The following ASTN2 variants were observed in gnomAD, a reference collection of about 807,000 sequenced individuals.
ASTN2 encodes astrotactin 2.
ASTN2 carries 54 observed loss-of-function variants against 139.8 expected under a neutral mutation model. The observed-to-expected ratio is 0.39, with a 90% CI of 0.31 to 0.48. The LOEUF is 0.48. Ranked by LOEUF, ASTN2 falls within the 20% of genes least tolerant of loss-of-function variation. ASTN2 has a pLI of 0.95. For missense variants in ASTN2, 1,565 were observed against 1,725.1 expected (o/e 0.91, Z 1.64); for synonymous variants, 756 against 719.5 (o/e 1.05, Z -0.81).
intron 19 of ASTN2, among the ~76,000 whole-genome samples, chr9:116,564,282 G>A (rs1426228207): frequency 6.6e-6 from 1 of 152,128 alleles, no homozygotes; most frequent in African/African-American, 2.4e-5. Flanking sequence ...GCTTTCTGAG[G>A]TGGCCCAAAG....
chr9:117,220,157 C>T (rs1832467084), intron 2 of ASTN2, among the ~76,000 whole-genome samples: 1 of 152,162 alleles, frequency 6.6e-6, no homozygotes, highest in Non-Finnish European at 1.5e-5. Flanking sequence ...CCCTATTTGT[C>T]TATCACAAAC....
At chr9:116,627,062 C>T (rs1198284849) in intron 17 of ASTN2, among the ~76,000 whole-genome samples, 1 of 152,166 alleles carries the variant, frequency 6.6e-6, no homozygotes, top group Admixed American at 6.5e-5. Flanking sequence ...TCTAACCTGA[C>T]AGTGAGAAGG....
At chr9:117,216,525 TTG>T (rs1032055888) in intron 2 of ASTN2, among the ~76,000 whole-genome samples, 4 of 152,086 alleles carry the variant, frequency 2.6e-5, no homozygotes, top group East Asian at 1.9e-4. Context: ...ATGTGTGTAT[TTG>T]TGTGTGTGTG....
At chr9:116,597,580 A>ATGCC (rs904879590) in intron 19 of ASTN2, among the ~76,000 whole-genome samples, 2 of 152,012 alleles carry the variant, frequency 1.3e-5, no homozygotes, top group African/African-American at 4.8e-5. Flanking sequence ...GTGAACCACC[A>ATGCC]TGCCTGGCCT....
intron 13 of ASTN2, among the ~76,000 whole-genome samples, chr9:116,746,840 C>A (rs141397985): frequency 0.022 from 3,411 of 152,230 alleles, 54 homozygotes; most frequent in Middle Eastern, 0.085. Context: ...CACTCGAGAG[C>A]AAGAACTACG....
At chr9:117,181,859 T>C (rs563052837) in intron 3 of ASTN2, among the ~76,000 whole-genome samples, 35 of 152,308 alleles carry the variant, frequency 2.3e-4, no homozygotes, top group Middle Eastern at 3.4e-3. Context: ...TTCCTCTCTC[T>C]TTCCTGCTCA....
At chr9:117,279,630 T>C (rs957074273) in intron 2 of ASTN2, among the ~76,000 whole-genome samples, 1 of 152,184 alleles carries the variant, frequency 6.6e-6, no homozygotes, top group Admixed American at 6.5e-5. Flanking sequence ...CCTTTTTATT[T>C]TGAAAGAATT....
intron 3 of ASTN2, among the ~76,000 whole-genome samples, chr9:117,144,365 G>C (rs2132864468): frequency 6.6e-6 from 1 of 152,326 alleles, no homozygotes; most frequent in East Asian, 1.9e-4. Flanking sequence ...AACATTTTGA[G>C]CATGGACATG....
rs1254569769 is a variant in ASTN2, at chr9:117,414,873, G to A, written c.66C>T (p.Leu22=). ...GTGGCGGCGGCCCCGGGTGGAAGCA[G>A]AGCCTCGGCCGCCCCCGGAGCCCCG... The part of the protein sequence containing the change: ...PGSGLRGRPR[L]CFHPGPPPLL... The change falls in exon 1 of 23, where the codon CTC becomes CTT. Residue 22 remains leucine, a synonymous_variant. Coordinates refer to ENST00000313400, the MANE Select transcript of ASTN2 (RefSeq NM_001365068.1). This position sits in a 1 kb window ranked among gnomAD's most constrained non-coding sequence, Gnocchi z 4.2. The A allele has an allele frequency of 2.4e-5, 24 of 987,200 alleles. No individual in the cohort carries two copies. Among genetic ancestry groups the A allele is most frequent in the Non-Finnish European group, 2.8e-5 (22 of 793,046 alleles). 61.2% of individuals were successfully genotyped at this position (987,200 alleles called of 1,614,324 possible).
chr9:117,221,149 G>A (rs987112707), intron 2 of ASTN2, among the ~76,000 whole-genome samples: 5 of 152,164 alleles, frequency 3.3e-5, no homozygotes, highest in South Asian at 2.1e-4. Flanking sequence ...GCATCAACAA[G>A]GCACCTGACC....
At chr9:117,101,085 A>G (rs1199475300) in intron 4 of ASTN2, among the ~76,000 whole-genome samples, 1 of 152,188 alleles carries the variant, frequency 6.6e-6, no homozygotes, top group African/African-American at 2.4e-5. Context: ...AAGAAGTGAG[A>G]GTCAGGGCAC....
intron 10 of ASTN2, among the ~76,000 whole-genome samples, chr9:116,867,571 A>AC (rs1260956572): frequency 1.3e-5 from 2 of 149,808 alleles, no homozygotes; most frequent in Non-Finnish European, 3.0e-5. Flanking sequence ...AAAAAAAAAA[A>AC]AGGAAAGAAA....
intron 20 of ASTN2, among the ~76,000 whole-genome samples, chr9:116,446,161 A>G (rs899385195): frequency 1.3e-5 from 2 of 151,910 alleles, no homozygotes; most frequent in Admixed American, 1.3e-4. Context: ...AGAAACAGAT[A>G]CAAATATATA....
At chr9:116,573,143 A>T (rs185342434) in intron 19 of ASTN2, among the ~76,000 whole-genome samples, 246 of 152,316 alleles carry the variant, frequency 1.6e-3, no homozygotes, top group Middle Eastern at 3.4e-3. Context: ...TATAGAAGAA[A>T]CACAACCAAA....
chr9:116,510,080 C>A (rs934229143), intron 19 of ASTN2, among the ~76,000 whole-genome samples: 1 of 152,130 alleles, frequency 6.6e-6, no homozygotes, highest in Non-Finnish European at 1.5e-5. Context: ...AAGTCCTTGC[C>A]CATGCCTATG....
intron 13 of ASTN2, among the ~76,000 whole-genome samples, chr9:116,760,714 T>G (rs1588270853): frequency 2.6e-5 from 4 of 152,168 alleles, no homozygotes; most frequent in Admixed American, 2.6e-4. Context: ...AAATCCCACT[T>G]TGACTCTACC....
At chr9:116,466,685 T>G (rs1848655933) in intron 20 of ASTN2, among the ~76,000 whole-genome samples, 1 of 152,056 alleles carries the variant, frequency 6.6e-6, no homozygotes, top group Non-Finnish European at 1.5e-5. Flanking sequence ...TTCTGCCCAG[T>G]GTTAATAGGG....
chr9:117,264,386 T>C (rs936324273), intron 2 of ASTN2, among the ~76,000 whole-genome samples: 8 of 152,118 alleles, frequency 5.3e-5, no homozygotes, highest in African/African-American at 1.9e-4. Flanking sequence ...CTGCCTGATG[T>C]TGGGCAACTG....
chr9:116,566,656 G>A (rs568531927), intron 19 of ASTN2, among the ~76,000 whole-genome samples: 11 of 152,306 alleles, frequency 7.2e-5, no homozygotes, highest in African/African-American at 2.6e-4. Context: ...AACTAATCAA[G>A]AGCCCTAGTC....
Sources: gnomAD v4.1 joint callset for allele counts (sites outside exome capture counted in the v4.1 genomes callset) on GRCh38, gnomAD v4.1.1 for gene constraint, Gnocchi (gnomAD v3.1) non-coding constraint, MANE v1.5 for transcripts, NCBI Gene and HGNC (gene_info 2026-07-23, HGNC 2026-07-21) for gene names.